MECOM: variants seen among roughly 807,000 people sequenced by gnomAD.
The protein encoded by MECOM is MDS1 and EVI1 complex locus.
MECOM carries 13 observed loss-of-function variants against 116.3 expected under a neutral mutation model. The ratio of observed to expected loss-of-function variants is 0.11; its 90% confidence interval spans 0.07 to 0.18. The LOEUF is 0.18. Ranked by LOEUF, MECOM falls within the 10% of genes least tolerant of loss-of-function variation. MECOM has a pLI of 1.00. For missense variants in MECOM, 1,299 were observed against 1,509.0 expected, an observed-to-expected ratio of 0.86 and a Z score of 2.31; for synonymous variants, 528 against 535.2, an observed-to-expected ratio of 0.99 and a Z score of 0.19.
At chr3:169,291,686 C>G (rs1577609072) in intron 2 of MECOM, among the ~76,000 whole-genome samples, 1 of 152,196 alleles carries the variant, frequency 6.6e-6, no homozygotes, top group African/African-American at 2.4e-5. Context: ...AAAGTGGGCT[C>G]TATTTCAAGC....
At chr3:169,378,507 A>AAGCGAGCG (rs1560197826) in intron 2 of MECOM, among the ~76,000 whole-genome samples, 1 of 30,108 alleles carries the variant, frequency 3.3e-5, no homozygotes, top group Non-Finnish European at 5.8e-5. Flanking sequence ...GAAAGAAAGA[A>AAGCGAGCG]AGAAAGAAAA....
chr3:169,236,674 T>C (rs1305468491), intron 2 of MECOM, among the ~76,000 whole-genome samples: 2 of 152,226 alleles, frequency 1.3e-5, no homozygotes, highest in Non-Finnish European at 2.9e-5. Flanking sequence ...TCACCCTGAT[T>C]AATGATAATC....
At chr3:169,105,179 A>G (rs1001828188) in intron 10 of MECOM, among the ~76,000 whole-genome samples, 2 of 152,144 alleles carry the variant, frequency 1.3e-5, no homozygotes, top group Non-Finnish European at 2.9e-5. Context: ...CATCTTCCTA[A>G]TGTGTGCTCT....
intron 1 of MECOM, among the ~76,000 whole-genome samples, chr3:169,660,326 A>T (rs574587218): frequency 2.6e-5 from 4 of 152,226 alleles, no homozygotes; most frequent in African/African-American, 9.6e-5. Flanking sequence ...TTTTAATTAA[A>T]TTTTTTAACC....
At chr3:169,511,739 A>C (rs530401172) in intron 1 of MECOM, among the ~76,000 whole-genome samples, 8 of 152,170 alleles carry the variant, frequency 5.3e-5, no homozygotes, top group African/African-American at 1.9e-4. Flanking sequence ...ACTGCACTCC[A>C]GTCTGGGCAA....
At chr3:169,311,754 A>T (rs1430051226) in intron 2 of MECOM, among the ~76,000 whole-genome samples, 1 of 152,126 alleles carries the variant, frequency 6.6e-6, no homozygotes, top group Non-Finnish European at 1.5e-5. Context: ...CTGGACAAGG[A>T]TGGAGAGCAA....
At chr3:169,483,829 G>A in intron 1 of MECOM, 1 of 1,611,752 alleles carries the variant, frequency 6.2e-7, no homozygotes, top group Middle Eastern at 2.3e-4. Flanking sequence ...TTGGAGAAAG[G>A]CACCTCGGAT....
At chr3:169,111,498 G>A (rs1456361503) in intron 9 of MECOM, among the ~76,000 whole-genome samples, 1 of 151,988 alleles carries the variant, frequency 6.6e-6, no homozygotes, top group African/African-American at 2.4e-5. Flanking sequence ...AACTTTACAA[G>A]TACTATTTAG....
intron 13 of MECOM, among the ~76,000 whole-genome samples, chr3:169,093,518 T>TTTA (rs1720472418): frequency 6.6e-6 from 1 of 152,224 alleles, no homozygotes; most frequent in Admixed American, 6.5e-5. Context: ...TTATTTATTT[T>TTTA]TTGGCTACTA....
intron 2 of MECOM, among the ~76,000 whole-genome samples, chr3:169,324,558 A>C (rs538431116): frequency 6.6e-6 from 1 of 152,360 alleles, no homozygotes; most frequent in South Asian, 2.1e-4. Flanking sequence ...TTATTTGACA[A>C]AGGAACAAAC....
intron 1 of MECOM, among the ~76,000 whole-genome samples, chr3:169,480,534 A>G (rs1751130580): frequency 6.6e-6 from 1 of 151,728 alleles, no homozygotes; most frequent in Non-Finnish European, 1.5e-5. Flanking sequence ...TGCCCGTACC[A>G]TTTATAATAC....
chr3:169,313,871 T>C (rs1044903513), intron 2 of MECOM, among the ~76,000 whole-genome samples: 7 of 152,064 alleles, frequency 4.6e-5, no homozygotes, highest in Admixed American at 4.6e-4. Flanking sequence ...TATTCACAAG[T>C]GATGGACTAT....
intron 1 of MECOM, among the ~76,000 whole-genome samples, chr3:169,495,350 G>A (rs1379497344): frequency 3.9e-5 from 6 of 152,076 alleles, no homozygotes; most frequent in Non-Finnish European, 8.8e-5. Context: ...TGTACAGAAA[G>A]TTTCACCACA....
chr3:169,308,604 G>A (rs1247288938), intron 2 of MECOM, among the ~76,000 whole-genome samples: 1 of 152,086 alleles, frequency 6.6e-6, no homozygotes, highest in Non-Finnish European at 1.5e-5. Flanking sequence ...ATAACTTCAT[G>A]CATTGTAACA....
At chr3:169,205,940 A>G (rs1362571916) in intron 2 of MECOM, among the ~76,000 whole-genome samples, 1 of 152,222 alleles carries the variant, frequency 6.6e-6, no homozygotes, top group East Asian at 1.9e-4. Flanking sequence ...ACTTCTCTTT[A>G]AAAATGGAAA....
chr3:169,486,006 CTATATATATATGTATATATAGTA>C (rs1560341377), intron 1 of MECOM, among the ~76,000 whole-genome samples: 4 of 108,562 alleles, frequency 3.7e-5, no homozygotes, highest in Non-Finnish European at 6.9e-5. Flanking sequence ...TATATATATA[CTATATATATATGTATATATAGTA>C]TATATATATA....
chr3:169,635,624 A>G (rs1772640738), intron 1 of MECOM, among the ~76,000 whole-genome samples: 1 of 152,246 alleles, frequency 6.6e-6, no homozygotes, highest in Non-Finnish European at 1.5e-5. Flanking sequence ...ATGCTGCTTG[A>G]ATTTCCAAAT....
chr3:169,641,848 A>T (rs1773530122), intron 1 of MECOM, among the ~76,000 whole-genome samples: 1 of 152,224 alleles, frequency 6.6e-6, no homozygotes, highest in African/African-American at 2.4e-5. Context: ...TTCATAAATC[A>T]GAGAGAACAA....
intron 3 of MECOM, among the ~76,000 whole-genome samples, chr3:169,138,192 T>A (rs943372931): frequency 2.0e-5 from 3 of 152,144 alleles, no homozygotes; most frequent in Non-Finnish European, 4.4e-5. Context: ...CAGTCTATTG[T>A]GTATGTGATG....
Sources: allele counts gnomAD v4.1 joint callset (sites outside exome capture counted in the v4.1 genomes callset), GRCh38; gene constraint gnomAD v4.1.1; transcripts MANE v1.5; gene names NCBI Gene and HGNC (gene_info 2026-07-23, HGNC 2026-07-21).